SNU13: variants seen among roughly 807,000 people sequenced by gnomAD.
SNU13 encodes NHP2-like protein 1.
In SNU13, 2 loss-of-function variants were observed where a neutral mutation model predicts 12.4. The ratio of observed to expected loss-of-function variants is 0.16; its 90% CI spans 0.07 to 0.51. The LOEUF (loss-of-function observed/expected upper bound fraction) is 0.51, where lower values mean the gene tolerates loss of function less well. Among genes scored for constraint, SNU13 ranks in the 20% least tolerant of loss-of-function variants. The probability of loss-of-function intolerance (pLI) is 0.96; values close to 1 mark genes in which losing one functional copy is unlikely to be tolerated. For missense variants in SNU13, 66 were observed against 157.8 expected (o/e 0.42, Z 3.12); for synonymous variants, 68 against 66.5 (o/e 1.02, Z -0.11).
chr22:41,678,855 T>C (rs542981312), intron 2 of SNU13, among the ~76,000 whole-genome samples: 8 of 152,188 alleles, frequency 5.3e-5, no homozygotes, highest in Non-Finnish European at 1.2e-4. Context: ...ATTGTAATAG[T>C]TCTCCTAAAT....
intron 1 of SNU13, among the ~76,000 whole-genome samples, chr22:41,685,587 T>C (rs1434609377): frequency 6.7e-6 from 1 of 150,364 alleles, no homozygotes; most frequent in Non-Finnish European, 1.5e-5. Context: ...CTCCTGACCT[T>C]GTGATCCGCC....
chr22:41,687,611 T>C (rs2068321537), intron 1 of SNU13: 1 of 152,224 alleles, frequency 6.6e-6, no homozygotes, highest in Admixed American at 6.5e-5. Context: ...AATGATATCA[T>C]ACCACCAGCC....
chr22:41,682,635 G>T, intron 1 of SNU13: 1 of 1,271,500 alleles, frequency 7.9e-7, no homozygotes, highest in Non-Finnish European at 1.0e-6. Flanking sequence ...AAGGAAGGGG[G>T]TTGGGGGAGG....
upstream of SNU13, among the ~76,000 whole-genome samples, chr22:41,689,465 C>G (rs535479564): frequency 6.3e-4 from 90 of 142,514 alleles, no homozygotes; most frequent in African/African-American, 2.2e-3. Flanking sequence ...GTCAGGAGAT[C>G]GAGACCATCC....
chr22:41,683,631 A>G (rs1243772949), intron 1 of SNU13, among the ~76,000 whole-genome samples: 2 of 152,192 alleles, frequency 1.3e-5, no homozygotes, highest in Non-Finnish European at 2.9e-5. Context: ...TTCATTCAGT[A>G]TATCTGTAAG....
At chr22:41,683,480 A>G (rs997184450) in intron 1 of SNU13, among the ~76,000 whole-genome samples, 3 of 152,062 alleles carry the variant, frequency 2.0e-5, no homozygotes, top group Non-Finnish European at 4.4e-5. Flanking sequence ...GCCTCAAGCA[A>G]TCTTCCTGCC....
intron 1 of SNU13, chr22:41,682,562 G>A: frequency 6.9e-7 from 1 of 1,455,712 alleles, no homozygotes; most frequent in Non-Finnish European, 9.0e-7. Flanking sequence ...CTTATCTTAG[G>A]CGAATTTGTC....
At chr22:41,681,414 T>A (rs1482540351) in intron 1 of SNU13, 1 of 152,194 alleles carries the variant, frequency 6.6e-6, no homozygotes, top group Admixed American at 6.5e-5. Context: ...CTTCATGGTT[T>A]AAAAGTCAAA....
chr22:41,678,386 A>C (rs1174431702), intron 2 of SNU13, among the ~76,000 whole-genome samples: 3 of 152,204 alleles, frequency 2.0e-5, no homozygotes, highest in Non-Finnish European at 4.4e-5. Context: ...ATCAGCATAT[A>C]TACATGCGCC....
intron 1 of SNU13, chr22:41,682,683 T>A: frequency 1.5e-6 from 1 of 684,800 alleles, no homozygotes; most frequent in Non-Finnish European, 2.1e-6. Flanking sequence ...CTCTTCCTCA[T>A]ACATTTATTT....
Position 41,674,586 on chromosome 22 carries a change from A to C in SNU13, c.*347T>G. On this transcript the variant is annotated 3_prime_UTR_variant, in exon 3 of 3. Transcript: ENST00000401959. ...CCACCACACCCCGCACACAACAGGA[A>C]GCTAGTGGCTGAAAGCTGGAACCAG... 3.6e-6 allele frequency: 1 copy of C among 278,606 alleles called. No homozygotes were observed. The highest frequency in any genetic ancestry group is 6.9e-6 in the Non-Finnish European group (1 of 144,018). 17.3% of individuals were successfully genotyped at this position (278,606 alleles called of 1,614,324 possible).
intron 2 of SNU13, among the ~76,000 whole-genome samples, chr22:41,676,477 TA>T (rs2068215544): frequency 1.3e-5 from 2 of 152,020 alleles, no homozygotes; most frequent in Non-Finnish European, 2.9e-5. Flanking sequence ...TAATTCTACC[TA>T]ACAGGATTCT....
At chr22:41,686,118 CT>C (rs1254857595) in intron 1 of SNU13, among the ~76,000 whole-genome samples, 1 of 152,014 alleles carries the variant, frequency 6.6e-6, no homozygotes, top group Non-Finnish European at 1.5e-5. Flanking sequence ...CACATCCCGT[CT>C]TTTAACTGGA....
rs1363663918 is a variant in SNU13, at chr22:41,674,662, C to T, written c.*271G>A. On this transcript the variant is annotated 3_prime_UTR_variant, in exon 3 of 3. Transcript: ENST00000401959. ...TCTCCTGGCTCTTTCTGCCTTTCAA[C>T]GGTGCCACCACCCTGCTTCTGTCTG... 1 of 403,150 alleles carries T rather than the reference C, an allele frequency of 2.5e-6. No homozygotes were observed. Among genetic ancestry groups the T allele is most frequent in the South Asian group, 3.0e-5 (1 of 33,864 alleles). The allele number at this position is 403,150 out of a possible 1,614,324, so 25.0% of individuals were successfully genotyped here.
At chr22:41,689,684 G>GA (rs1002856787), upstream of SNU13, among the ~76,000 whole-genome samples, 3 of 106,544 alleles carry the variant, frequency 2.8e-5, no homozygotes, top group Non-Finnish European at 6.0e-5. Context: ...AAAAAAAGAA[G>GA]AAAAAAAAGA....
At position 41,674,220 on chromosome 22, in the gene SNU13, C is replaced by G. The variant is rs1402448891; in HGVS notation, c.*713G>C. 6.5e-6 allele frequency: 1 copy of G among 152,806 alleles called. No individual in the cohort carries two copies. The highest frequency in any genetic ancestry group is 6.5e-5 in the Admixed American group (1 of 15,276). 9.5% of individuals were successfully genotyped at this position (152,806 alleles called of 1,614,324 possible). On this transcript the variant is annotated 3_prime_UTR_variant, in exon 3 of 3. Transcript: ENST00000401959. ...GTTCATGCTCTCTGAGCTTGTCACT[C>G]CCGACTCTTTCAAGACCCAGGTCAA...
chr22:41,685,803 TA>T (rs553325955), intron 1 of SNU13, among the ~76,000 whole-genome samples: 1 of 150,550 alleles, frequency 6.6e-6, no homozygotes, highest in South Asian at 2.2e-4. Flanking sequence ...CCGTCTCTAC[TA>T]AAAAAATACA....
At chr22:41,679,242 C>G (rs560908995) in intron 2 of SNU13, among the ~76,000 whole-genome samples, 1 of 151,194 alleles carries the variant, frequency 6.6e-6, no homozygotes, top group Non-Finnish European at 1.5e-5. Flanking sequence ...AACCTCGTCT[C>G]TACTTGAAAA....
At chr22:41,689,711 CTCACGCCTGTAATCCCAGCACTTT>C (rs1357904194), upstream of SNU13, among the ~76,000 whole-genome samples, 17 of 151,886 alleles carry the variant, frequency 1.1e-4, no homozygotes, top group African/African-American at 3.9e-4. Context: ...GGTGCGGTGG[CTCACGCCTGTAATCCCAGCACTTT>C]GGGAAGCTGA....
Sources: allele counts gnomAD v4.1 joint callset (sites outside exome capture counted in the v4.1 genomes callset), GRCh38; gene constraint gnomAD v4.1.1; transcripts MANE v1.5; gene names NCBI Gene and HGNC (gene_info 2026-07-23, HGNC 2026-07-21).